The following KCNQ5 variants were observed in gnomAD, a reference collection of about 807,000 sequenced individuals.
KCNQ5 encodes the protein potassium voltage-gated channel subfamily KQT member 5.
A neutral mutation model predicts 98.2 loss-of-function variants in KCNQ5; 30 were observed. That is an observed-to-expected ratio of 0.31 (90% CI 0.23 to 0.41). KCNQ5 has a LOEUF of 0.41. Among genes scored for constraint, KCNQ5 ranks in the 10% least tolerant of loss-of-function variants. The pLI, the probability that KCNQ5 is intolerant of heterozygous loss-of-function variation, is 1.00. For synonymous variants in KCNQ5, 458 were observed against 449.4 expected (o/e 1.02, Z -0.24); for missense variants, 835 against 1,182.5 (o/e 0.71, Z 4.31).
At position 73,169,746 on chromosome 6, in the gene KCNQ5, C is replaced by T; in HGVS notation, c.1469C>T (p.Ala490Val). ...KSSQPKPVID[A>V]DTALGTDDVY... ...TTTAACTGGCAATATTCTCTTGCAGCTGACACAGCCCTTGGCACTGATGAT... is the reference window on the plus strand; with the variant it reads ...TTTAACTGGCAATATTCTCTTGCAGTTGACACAGCCCTTGGCACTGATGAT... The change falls in exon 11 of 14, where the codon GCT becomes GTT. Residue 490 changes from alanine to valine, a missense_variant and splice_region_variant. By Grantham distance (64) the Ala-to-Val change is moderately conservative. This residue lies in a region of KCNQ5 where 146 missense variants were observed against 256.7 expected (regional missense o/e 0.57). Transcript: ENST00000370398. 1 of 1,607,966 alleles carries T rather than the reference C, an allele frequency of 6.2e-7. No individual in the cohort carries two copies. The highest frequency in any genetic ancestry group is 8.5e-7 in the Non-Finnish European group (1 of 1,174,722).
intron 11 of KCNQ5, among the ~76,000 whole-genome samples, chr6:73,177,610 G>A (rs769639394): frequency 3.9e-5 from 6 of 152,228 alleles, no homozygotes; most frequent in South Asian, 2.1e-4. Context: ...GAAGAGGCAC[G>A]TGTTTGCCAT....
At chr6:73,026,153 G>A (rs1770880976) in intron 2 of KCNQ5, among the ~76,000 whole-genome samples, 1 of 152,162 alleles carries the variant, frequency 6.6e-6, no homozygotes, top group Non-Finnish European at 1.5e-5. Flanking sequence ...GGTGAGGGAT[G>A]AGAGCAGCTG....
At chr6:73,070,118 T>A (rs571398359) in intron 3 of KCNQ5, among the ~76,000 whole-genome samples, 3 of 152,310 alleles carry the variant, frequency 2.0e-5, no homozygotes, top group Admixed American at 2.0e-4. Context: ...TAATATGAGG[T>A]CTGTATCAGA....
At chr6:72,648,514 G>A (rs903261498) in intron 1 of KCNQ5, among the ~76,000 whole-genome samples, 10 of 151,904 alleles carry the variant, frequency 6.6e-5, no homozygotes, top group African/African-American at 2.2e-4. Context: ...AGTGTGAGAC[G>A]AACTATGCAA....
intron 1 of KCNQ5, among the ~76,000 whole-genome samples, chr6:72,734,985 T>C (rs1770755047): frequency 6.6e-6 from 1 of 152,198 alleles, no homozygotes; most frequent in African/African-American, 2.4e-5. Flanking sequence ...CAGTTACAAA[T>C]TCTGTAACTC....
chr6:73,017,619 A>G (rs1008153713), intron 2 of KCNQ5, among the ~76,000 whole-genome samples: 1 of 152,196 alleles, frequency 6.6e-6, no homozygotes, highest in Non-Finnish European at 1.5e-5. Context: ...ACAACATTAC[A>G]GGCTGGATTC....
At chr6:72,696,126 C>G (rs1768483622) in intron 1 of KCNQ5, among the ~76,000 whole-genome samples, 1 of 152,094 alleles carries the variant, frequency 6.6e-6, no homozygotes, top group Non-Finnish European at 1.5e-5. Context: ...TTTCACTTCT[C>G]CGCATGAGAA....
intron 1 of KCNQ5, among the ~76,000 whole-genome samples, chr6:72,984,619 G>A (rs1356415816): frequency 3.9e-5 from 6 of 152,134 alleles, no homozygotes; most frequent in African/African-American, 7.2e-5. Flanking sequence ...AGTCTGTCAC[G>A]GCTTCCCTTG....
At chr6:72,840,111 A>G (rs1206933171) in intron 1 of KCNQ5, among the ~76,000 whole-genome samples, 3 of 152,208 alleles carry the variant, frequency 2.0e-5, no homozygotes, top group Non-Finnish European at 4.4e-5. Flanking sequence ...AAGGCTGAGT[A>G]GCATTCCATT....
intron 10 of KCNQ5, chr6:73,157,616 G>A (rs897914986): frequency 3.9e-6 from 3 of 773,126 alleles, no homozygotes; most frequent in Non-Finnish European, 2.4e-6. Context: ...AGTGGCAGCT[G>A]GGTAGGTGAA....
intron 1 of KCNQ5, among the ~76,000 whole-genome samples, chr6:72,889,608 A>G (rs956495708): frequency 1.3e-5 from 2 of 152,178 alleles, no homozygotes; most frequent in African/African-American, 4.8e-5. Context: ...TTTTATCTCA[A>G]TTCAGCAGCA....
Position 73,194,522 on chromosome 6 carries a change from C to G in KCNQ5, c.1907C>G (p.Ala636Gly). 1.2e-6 allele frequency: 2 copies of G among 1,614,224 alleles called. No individual in the cohort carries two copies. The highest frequency in any genetic ancestry group is 2.2e-5 in the South Asian group (2 of 91,088). The change falls in exon 14 of 14, where the codon GCC (alanine) becomes GGC (glycine). Residue 636 changes from alanine to glycine, a missense_variant. By Grantham distance (60) the Ala-to-Gly change is moderately conservative. This residue lies in a region of KCNQ5 where 416 missense variants were observed against 446.9 expected (regional missense o/e 0.93). Coordinates refer to ENST00000370398, the MANE Select transcript of KCNQ5 (RefSeq NM_019842.4). Reference sequence around the variant, plus strand: ...CAACAGGTCCTTCGGAAAGGCTCTGCCTCAGCCCTCGCTTTGGCTTCATTC... The same window carrying G: ...CAACAGGTCCTTCGGAAAGGCTCTGGCTCAGCCCTCGCTTTGGCTTCATTC... ...IYQQVLRKGS[A>G]SALALASFQI... is the part of the protein sequence containing the mutation.
intron 2 of KCNQ5, among the ~76,000 whole-genome samples, chr6:73,016,123 A>G (rs760773910): frequency 2.6e-5 from 4 of 152,176 alleles, no homozygotes; most frequent in Non-Finnish European, 5.9e-5. Flanking sequence ...TATTACAAAT[A>G]AAAGGAAAGC....
chr6:72,685,207 A>G (rs1203117615), intron 1 of KCNQ5, among the ~76,000 whole-genome samples: 1 of 152,182 alleles, frequency 6.6e-6, no homozygotes, highest in Non-Finnish European at 1.5e-5. Flanking sequence ...GAAAGCCTGG[A>G]CCCAAAGAGC....
intron 1 of KCNQ5, among the ~76,000 whole-genome samples, chr6:72,866,312 C>T (rs999180371): frequency 4.2e-5 from 6 of 144,176 alleles, no homozygotes; most frequent in Non-Finnish European, 8.9e-5. Flanking sequence ...TGAAGTGCAG[C>T]GGTGTGATCT....
chr6:73,161,467 T>G (rs972413089), intron 10 of KCNQ5, among the ~76,000 whole-genome samples: 11 of 152,194 alleles, frequency 7.2e-5, no homozygotes, highest in Non-Finnish European at 1.3e-4. Context: ...TAGAAAAGAA[T>G]AATTCAAATG....
In KCNQ5 at chr6:73,145,072, A is replaced by G. The variant is rs561459022; in HGVS notation, c.1468+11431A>G. Among the ~76,000 whole-genome samples the G allele has an allele frequency of 2.0e-5, 3 of 152,298 alleles. No individual in the cohort carries two copies. The South Asian group carries it at 6.2e-4, about 32-fold the overall frequency. On this transcript the variant is annotated intron_variant, in intron 10 of 13. Coordinates refer to ENST00000370398, the MANE Select transcript of KCNQ5 (RefSeq NM_019842.4). ...AGCTTATTTGCTTTTAGTATTTTCAACATCCTGTTGGTTCTATGAAGACAG... is the reference window on the plus strand; with the variant it reads ...AGCTTATTTGCTTTTAGTATTTTCAGCATCCTGTTGGTTCTATGAAGACAG...
At chr6:72,793,238 C>T (rs1037341774) in intron 1 of KCNQ5, among the ~76,000 whole-genome samples, 1 of 152,176 alleles carries the variant, frequency 6.6e-6, no homozygotes, top group Non-Finnish European at 1.5e-5. Flanking sequence ...CTGAATTTTG[C>T]AGAAATGCAG....
chr6:73,118,113 T>C (rs1003613118), intron 7 of KCNQ5, among the ~76,000 whole-genome samples: 1 of 152,216 alleles, frequency 6.6e-6, no homozygotes, highest in African/African-American at 2.4e-5. Context: ...GCACATATCT[T>C]AGGAGAACTG....
Sources: allele counts gnomAD v4.1 joint callset (sites outside exome capture counted in the v4.1 genomes callset), GRCh38; gene constraint gnomAD v4.1.1; regional missense constraint gnomAD v4.1.1; transcripts MANE v1.5; gene names NCBI Gene and HGNC (gene_info 2026-07-23, HGNC 2026-07-21).